The following FAF1 variants were observed in gnomAD, a reference collection of about 807,000 sequenced individuals.
FAF1 encodes the protein FAS-associated factor 1.
FAF1 carries 25 observed loss-of-function variants against 92.5 expected under a neutral mutation model. That is an observed-to-expected ratio of 0.27 (90% CI 0.20 to 0.38). FAF1 has a LOEUF of 0.38. Among genes scored for constraint, FAF1 ranks in the 10% least tolerant of loss-of-function variants. The pLI is 1.00. For missense variants in FAF1, 636 were observed against 793.3 expected, an observed-to-expected ratio of 0.80 and a Z score of 2.38; for synonymous variants, 234 against 273.2, an observed-to-expected ratio of 0.86 and a Z score of 1.42.
chr1:50,793,832 T>C (rs1029779966), intron 3 of FAF1, among the ~76,000 whole-genome samples: 1 of 152,212 alleles, frequency 6.6e-6, no homozygotes, highest in Non-Finnish European at 1.5e-5. Context: ...GGTCCTGAAT[T>C]GCATAAGCAG....
At chr1:50,740,705 A>T (rs1403567180) in intron 5 of FAF1, among the ~76,000 whole-genome samples, 6 of 152,176 alleles carry the variant, frequency 3.9e-5, no homozygotes, top group Non-Finnish European at 7.4e-5. Flanking sequence ...TTTGAAAAAA[A>T]CATTGCATTT....
intron 12 of FAF1, among the ~76,000 whole-genome samples, chr1:50,580,895 C>G (rs1463727067): frequency 2.0e-5 from 3 of 152,150 alleles, no homozygotes; most frequent in Non-Finnish European, 2.9e-5. Flanking sequence ...CCTCAGCCCC[C>G]CAAGTAGCTG....
chr1:50,619,561 ATC>A (rs1376870332), intron 8 of FAF1, among the ~76,000 whole-genome samples: 2 of 152,098 alleles, frequency 1.3e-5, no homozygotes, highest in Admixed American at 6.5e-5. Flanking sequence ...TAGGCCCCAA[ATC>A]TCTTTTAGCT....
At chr1:50,856,094 A>T (rs1644388790) in intron 2 of FAF1, among the ~76,000 whole-genome samples, 1 of 151,798 alleles carries the variant, frequency 6.6e-6, no homozygotes, top group South Asian at 2.1e-4. Flanking sequence ...ATTAGTGGAC[A>T]CGAACCAATA....
intron 6 of FAF1, among the ~76,000 whole-genome samples, chr1:50,738,490 C>T (rs1270029672): frequency 6.7e-6 from 1 of 150,300 alleles, no homozygotes; most frequent in Non-Finnish European, 1.5e-5. Flanking sequence ...TCAAGCTTTA[C>T]TCTGCAGAGC....
intron 6 of FAF1, among the ~76,000 whole-genome samples, chr1:50,716,731 T>C (rs1313594907): frequency 6.6e-6 from 1 of 152,202 alleles, no homozygotes; most frequent in Non-Finnish European, 1.5e-5. Flanking sequence ...CAATCAGTGC[T>C]GTGTGCGTAG....
chr1:50,556,249 A>G (rs1649575800), intron 13 of FAF1, among the ~76,000 whole-genome samples: 1 of 150,980 alleles, frequency 6.6e-6, no homozygotes, highest in Admixed American at 6.6e-5. Flanking sequence ...AAAAAAAAAA[A>G]AAAAAAAAAA....
chr1:50,725,911 G>C (rs1409912279), intron 6 of FAF1, among the ~76,000 whole-genome samples: 4 of 152,130 alleles, frequency 2.6e-5, no homozygotes, highest in Admixed American at 6.5e-5. Flanking sequence ...ACAGTGATAT[G>C]CTTGACTGCA....
At chr1:50,597,777 G>C (rs1651901931) in intron 8 of FAF1, among the ~76,000 whole-genome samples, 1 of 152,000 alleles carries the variant, frequency 6.6e-6, no homozygotes, top group African/African-American at 2.4e-5. Flanking sequence ...ATCATTTTTT[G>C]ACAAGACATG....
chr1:50,599,627 A>G (rs1572860441), intron 8 of FAF1, among the ~76,000 whole-genome samples: 2 of 152,216 alleles, frequency 1.3e-5, no homozygotes, highest in East Asian at 3.8e-4. Context: ...CTCTTAATAC[A>G]TGTCTTTTAA....
intron 1 of FAF1, among the ~76,000 whole-genome samples, chr1:50,887,779 A>G (rs887541934): frequency 1.3e-5 from 2 of 152,146 alleles, no homozygotes; most frequent in African/African-American, 2.4e-5. Context: ...TGGTTACTGT[A>G]GCTTTGCAGT....
chr1:50,565,428 T>G (rs139695792), intron 13 of FAF1, among the ~76,000 whole-genome samples: 1 of 152,090 alleles, frequency 6.6e-6, no homozygotes, highest in Non-Finnish European at 1.5e-5. Flanking sequence ...TCTAAAGCCT[T>G]AAACAACACC....
intron 2 of FAF1, among the ~76,000 whole-genome samples, chr1:50,854,807 T>A (rs968163999): frequency 6.6e-6 from 1 of 151,862 alleles, no homozygotes; most frequent in South Asian, 2.1e-4. Context: ...ACCGTTTTTT[T>A]AGGAAGTTAC....
At chr1:50,731,501 C>T (rs1658922124) in intron 6 of FAF1, among the ~76,000 whole-genome samples, 1 of 151,902 alleles carries the variant, frequency 6.6e-6, no homozygotes, top group African/African-American at 2.4e-5. Flanking sequence ...TCCCCAGTAG[C>T]TGGGACTACA....
At chr1:50,897,296 C>A (rs1055843285) in intron 1 of FAF1, among the ~76,000 whole-genome samples, 2 of 152,226 alleles carry the variant, frequency 1.3e-5, no homozygotes, top group African/African-American at 4.8e-5. Context: ...CCATTTAATA[C>A]ACCACTTATC....
intron 12 of FAF1, among the ~76,000 whole-genome samples, chr1:50,571,795 T>C (rs1244484964): frequency 1.3e-5 from 2 of 152,130 alleles, no homozygotes; most frequent in Non-Finnish European, 2.9e-5. Flanking sequence ...CACAGAACCA[T>C]AGAATATTAG....
chr1:50,713,155 C>CAAA (rs371395514), intron 6 of FAF1, among the ~76,000 whole-genome samples: 75 of 46,348 alleles, frequency 1.6e-3, no homozygotes, highest in Middle Eastern at 0.016. Context: ...GCCAGACCCT[C>CAAA]AAAAAAAAAA....
At chr1:50,478,727 T>C (rs138692094) in intron 17 of FAF1, among the ~76,000 whole-genome samples, 1 of 152,224 alleles carries the variant, frequency 6.6e-6, no homozygotes, top group African/African-American at 2.4e-5. Flanking sequence ...TCCAAAACTT[T>C]TTCATCACCC....
chr1:50,909,938 C>T (rs1644871111), intron 1 of FAF1, among the ~76,000 whole-genome samples: 2 of 152,220 alleles, frequency 1.3e-5, no homozygotes, highest in African/African-American at 4.8e-5. Context: ...GAGCTGCATT[C>T]CTCTGGAGGA....
Sources: allele counts gnomAD v4.1 joint callset (sites outside exome capture counted in the v4.1 genomes callset), GRCh38; gene constraint gnomAD v4.1.1; transcripts MANE v1.5; gene names NCBI Gene and HGNC (gene_info 2026-07-23, HGNC 2026-07-21).